TRAM1: variants seen among roughly 807,000 people sequenced by gnomAD.
TRAM1 encodes the protein translocating chain-associated membrane protein 1.
In TRAM1, 17 loss-of-function variants were observed where a neutral mutation model predicts 48.7. That is an observed-to-expected ratio of 0.35 (90% confidence interval 0.24 to 0.52). The LOEUF is 0.52. TRAM1 is among the 20% of genes least tolerant of loss of function. TRAM1 has a pLI of 0.94. For synonymous variants in TRAM1, 182 were observed against 154.0 expected (o/e 1.18, Z -1.34); for missense variants, 351 against 441.5 (o/e 0.79, Z 1.84).
At chr8:70,594,267 T>C (rs1409477526) in intron 6 of TRAM1, among the ~76,000 whole-genome samples, 6 of 147,068 alleles carry the variant, frequency 4.1e-5, no homozygotes, top group African/African-American at 1.2e-4. Context: ...CATTAACATA[T>C]CAAATGTAAA....
In TRAM1 at chr8:70,586,930, G is replaced by A. The variant is rs1396787315; in HGVS notation, c.711C>T (p.Arg237=). Reference sequence around the variant, plus strand: ...ACTTTTCATTGCTAAAATAAAACAGGCGGGAAATGTGGAAAAGAAATTCAA... The same window carrying A: ...ACTTTTCATTGCTAAAATAAAACAGACGGGAAATGTGGAAAAGAAATTCAA... ...YFVEFLFHIS[R]LFYFSNEKYQ... is the part of the protein sequence containing the mutation. The change falls in exon 8 of 11, where the codon CGC becomes CGT. Residue 237 remains arginine (R), a synonymous_variant. Transcript: ENST00000262213. The A allele has an allele frequency of 5.0e-6, 8 of 1,613,786 alleles. No individual in the cohort carries two copies. The highest frequency in any genetic ancestry group is 1.1e-5 in the South Asian group (1 of 91,072).
rs1817571807 is a variant in TRAM1, at chr8:70,600,007, T to C, written c.187+12A>G. 20 of 1,610,838 alleles carry C rather than the reference T, an allele frequency of 1.2e-5. No individual in the cohort carries two copies. The highest frequency in any genetic ancestry group is 1.6e-5 in the Non-Finnish European group (19 of 1,177,424). On this transcript the variant is annotated intron_variant, in intron 2 of 10. Transcript: ENST00000262213. ...CTATTTACGTAGAAAATTCTTAGCG[T>C]AAATTACCTACCTGTTGCTGGGAGG...
intron 1 of TRAM1, chr8:70,607,179 T>A (rs532502795): frequency 1.0e-6 from 1 of 985,348 alleles, no homozygotes; most frequent in South Asian, 4.7e-5. Context: ...ACGTAGGATG[T>A]TACTCGTTCA....
rs1211033837 is a variant in TRAM1 at position 70,583,764 on chromosome 8, A to G, written c.776T>C (p.Leu259Ser). The G allele has an allele frequency of 3.8e-6, 6 of 1,573,502 alleles. No homozygotes were observed. The highest frequency in any genetic ancestry group is 2.8e-5 in the African/African-American group (2 of 71,666). ...GFSLWAVLFVLGRLLTLILSV... is the reference protein window; with the variant it reads ...GFSLWAVLFVSGRLLTLILSV... ...AAGAATTAAAGTCAGAAGTCTTCCC[A>G]AAACAAAAAGAACTGCCCACAGAGA... is the stretch of plus-strand genomic sequence containing the variant. Residue 259 changes from leucine to serine, a missense_variant, in exon 9 of 11, where the codon TTG becomes TCG. Transcript: ENST00000262213.
chr8:70,599,906 T>C (rs1817568599), intron 2 of TRAM1, 113 bp downstream of exon 2: 1 of 776,646 alleles, frequency 1.3e-6, no homozygotes. Context: ...AGTCACATCA[T>C]GGATGAGATC....
chr8:70,607,534 C>T (rs908872183), intron 1 of TRAM1: 2 of 973,168 alleles, frequency 2.1e-6, no homozygotes, highest in African/African-American at 3.5e-5. Context: ...ACCCCAATCT[C>T]GGAGCTACCG....
At chr8:70,597,202 ATTAG>A (rs1462943683) in intron 4 of TRAM1, among the ~76,000 whole-genome samples, 2 of 152,198 alleles carry the variant, frequency 1.3e-5, no homozygotes, top group Non-Finnish European at 2.9e-5. Context: ...TCTTTTTCTC[ATTAG>A]TTAGAGTGAT....
In TRAM1 at chr8:70,608,240, T is replaced by A; in HGVS notation, c.-41A>T. On this transcript the variant is annotated 5_prime_UTR_variant, in exon 1 of 11. Transcript: ENST00000262213. ...CGCGCCTGCAGGTGCTCCGCCCCGG[T>A]TCTGCTCTTCCCAGCTGCTCACCGA... The A allele has an allele frequency of 6.4e-7, 1 of 1,558,126 alleles. No homozygotes were observed. The highest frequency in any genetic ancestry group is 8.6e-7 in the Non-Finnish European group (1 of 1,157,584).
At chr8:70,607,281 T>C in intron 1 of TRAM1, 1 of 985,258 alleles carries the variant, frequency 1.0e-6, no homozygotes, top group Non-Finnish European at 1.2e-6. Flanking sequence ...ACTCCTGACA[T>C]TCCCATCCTC....
At chr8:70,584,623 T>C (rs1817164777) in intron 8 of TRAM1, among the ~76,000 whole-genome samples, 1 of 152,190 alleles carries the variant, frequency 6.6e-6, no homozygotes, top group South Asian at 2.1e-4. Context: ...ATCACAAGCA[T>C]TCTTATACAC....
chr8:70,597,668 C>CAAAAAAA (rs35449323), intron 4 of TRAM1, among the ~76,000 whole-genome samples: 7 of 35,986 alleles, frequency 1.9e-4, no homozygotes, highest in Admixed American at 4.5e-4. Flanking sequence ...GACTCTGTCT[C>CAAAAAAA]AAAAAAAAAA....
chr8:70,603,247 T>C (rs955244880), intron 1 of TRAM1, among the ~76,000 whole-genome samples: 5 of 143,874 alleles, frequency 3.5e-5, no homozygotes, highest in African/African-American at 5.9e-5. Flanking sequence ...ATTTTTTATA[T>C]ATATATATAG....
chr8:70,577,291 T>C (rs992569417), intron 10 of TRAM1, among the ~76,000 whole-genome samples: 2 of 152,170 alleles, frequency 1.3e-5, no homozygotes, highest in Non-Finnish European at 2.9e-5. Flanking sequence ...GACAGGTTCC[T>C]GGGCAGAAAG....
chr8:70,584,947 A>T (rs1184099935), intron 8 of TRAM1, among the ~76,000 whole-genome samples: 1 of 152,174 alleles, frequency 6.6e-6, no homozygotes, highest in Non-Finnish European at 1.5e-5. Flanking sequence ...TTCATATGGA[A>T]CCAAAAAAGA....
chr8:70,588,352 G>T (rs1421888129), intron 6 of TRAM1, among the ~76,000 whole-genome samples: 1 of 152,206 alleles, frequency 6.6e-6, no homozygotes, highest in Non-Finnish European at 1.5e-5. Flanking sequence ...TTGGGAGGCT[G>T]AGACAGGAGG....
intron 2 of TRAM1, 50 bp downstream of exon 2, chr8:70,599,969 T>C (rs369770034): frequency 5.2e-5 from 77 of 1,492,524 alleles, no homozygotes; most frequent in Non-Finnish European, 6.6e-5. Context: ...TCCAAGTTTG[T>C]TCAACTGAAC....
At chr8:70,586,300 A>T (rs1817219544) in intron 8 of TRAM1, among the ~76,000 whole-genome samples, 1 of 145,654 alleles carries the variant, frequency 6.9e-6, no homozygotes, top group Non-Finnish European at 1.5e-5. Flanking sequence ...GAGGGATAGC[A>T]TTAGGAGATA....
rs113297087 is a variant in TRAM1, at chr8:70,584,961, C to T, written c.747-1168G>A. On this transcript the variant is annotated intron_variant, in intron 8 of 10. Transcript: ENST00000262213. ...GTTCATATGGAACCAAAAAAGAGCT[C>T]GCATCACCAAGTCAATCCTAAGCCA... Among the ~76,000 whole-genome samples, 312 of 152,186 alleles carry T rather than the reference C, an allele frequency of 2.1e-3. 2 individuals are homozygous for T. Among genetic ancestry groups the T allele is most frequent in the African/African-American group, 7.3e-3 (304 of 41,512 alleles).
At chr8:70,577,584 T>C (rs1816985617) in intron 10 of TRAM1, among the ~76,000 whole-genome samples, 1 of 152,204 alleles carries the variant, frequency 6.6e-6, no homozygotes. Flanking sequence ...CACCCTCCAG[T>C]TGTCTGCATA....
Sources: allele counts gnomAD v4.1 joint callset (sites outside exome capture counted in the v4.1 genomes callset), GRCh38; gene constraint gnomAD v4.1.1; transcripts MANE v1.5; gene names NCBI Gene and HGNC (gene_info 2026-07-23, HGNC 2026-07-21).